The following CDH13 variants were observed in gnomAD, a reference collection of about 807,000 sequenced individuals.
CDH13 encodes cadherin 13, also known as cadherin-13.
A neutral mutation model predicts 63.8 loss-of-function variants in CDH13; 24 were observed. That is an observed-to-expected ratio of 0.38 (90% CI 0.27 to 0.53). The LOEUF is 0.53. Ranked by LOEUF, CDH13 falls within the 20% of genes least tolerant of loss-of-function variation. CDH13 has a pLI of 0.85. For synonymous variants in CDH13, 503 were observed against 355.3 expected (o/e 1.42, Z -4.67); for missense variants, 1,049 against 903.1 (o/e 1.16, Z -2.07).
intron 1 of CDH13, among the ~76,000 whole-genome samples, chr16:82,729,706 GC>G (rs1235024225): frequency 3.9e-5 from 6 of 152,162 alleles, no homozygotes; most frequent in Non-Finnish European, 5.9e-5. Context: ...AAGAGAGTCA[GC>G]CTGTCCTTTG....
At chr16:83,088,568 A>C (rs1454939624) in intron 3 of CDH13, among the ~76,000 whole-genome samples, 1 of 152,110 alleles carries the variant, frequency 6.6e-6, no homozygotes, top group Non-Finnish European at 1.5e-5. Flanking sequence ...TCCTTCTCTG[A>C]GCCTGGGCCC....
At chr16:83,233,643 G>C (rs2040066048) in intron 5 of CDH13, among the ~76,000 whole-genome samples, 1 of 152,106 alleles carries the variant, frequency 6.6e-6, no homozygotes, top group African/African-American at 2.4e-5. Flanking sequence ...CATCCTCAAA[G>C]CCAGCAATGG....
chr16:83,344,007 T>C (rs1319825751), intron 5 of CDH13, among the ~76,000 whole-genome samples: 1 of 152,200 alleles, frequency 6.6e-6, no homozygotes, highest in Admixed American at 6.5e-5. Flanking sequence ...TTGCTCAAGG[T>C]CACACAGATA....
At chr16:83,128,037 C>T (rs1411735951) in intron 4 of CDH13, among the ~76,000 whole-genome samples, 1 of 152,186 alleles carries the variant, frequency 6.6e-6, no homozygotes, top group East Asian at 1.9e-4. Context: ...TCTTCCCAAA[C>T]AGTTTCTGAG....
At chr16:83,271,422 T>TAAAAAAAAAAAA (rs56382330) in intron 5 of CDH13, among the ~76,000 whole-genome samples, 457 of 26,016 alleles carry the variant, frequency 0.018, 142 homozygotes, top group Non-Finnish European at 0.024. Flanking sequence ...GCAGAGTTCA[T>TAAAAAAAAAAAA]AAAAAAAAAA....
chr16:82,805,299 T>C (rs951936959), intron 1 of CDH13, among the ~76,000 whole-genome samples: 8 of 152,214 alleles, frequency 5.3e-5, no homozygotes, highest in African/African-American at 1.9e-4. Flanking sequence ...ATGGTGACTC[T>C]GAAAAACAAA....
chr16:82,947,460 C>T (rs1274438662), intron 2 of CDH13, among the ~76,000 whole-genome samples: 1 of 152,124 alleles, frequency 6.6e-6, no homozygotes, highest in African/African-American at 2.4e-5. Context: ...ATCCATACTT[C>T]TGTGTTAACT....
At chr16:82,933,158 A>G (rs563099764) in intron 2 of CDH13, among the ~76,000 whole-genome samples, 7 of 152,156 alleles carry the variant, frequency 4.6e-5, no homozygotes, top group Non-Finnish European at 1.0e-4. Flanking sequence ...CCATGAAGAC[A>G]TACTTCAGAC....
chr16:83,094,236 C>A (rs911779171), intron 3 of CDH13, among the ~76,000 whole-genome samples: 6 of 152,164 alleles, frequency 3.9e-5, no homozygotes, highest in African/African-American at 1.4e-4. Context: ...GATATCTGAG[C>A]ACTTGTGACC....
chr16:83,299,612 A>G (rs1270730418), intron 5 of CDH13, among the ~76,000 whole-genome samples: 1 of 152,194 alleles, frequency 6.6e-6, no homozygotes, highest in Non-Finnish European at 1.5e-5. Flanking sequence ...AAAAGACCCT[A>G]GCTTTATTTA....
intron 7 of CDH13, among the ~76,000 whole-genome samples, chr16:83,533,944 G>A (rs993817596): frequency 1.3e-5 from 2 of 152,126 alleles, no homozygotes; most frequent in African/African-American, 2.4e-5. Context: ...TAAAAATCTA[G>A]TTGGACTTAT....
At chr16:83,010,130 T>G (rs1345626953) in intron 2 of CDH13, among the ~76,000 whole-genome samples, 1 of 28,038 alleles carries the variant, frequency 3.6e-5, no homozygotes, top group Non-Finnish European at 6.2e-5. Context: ...AGCAAAACTC[T>G]GTCTCAAAAA....
intron 6 of CDH13, among the ~76,000 whole-genome samples, chr16:83,410,886 G>A (rs553231080): frequency 6.6e-6 from 1 of 152,168 alleles, no homozygotes; most frequent in Non-Finnish European, 1.5e-5. Context: ...TAAGCTCCAG[G>A]TATTGAAACA....
At chr16:83,235,826 A>T (rs144564052) in intron 5 of CDH13, among the ~76,000 whole-genome samples, 1 of 152,116 alleles carries the variant, frequency 6.6e-6, no homozygotes, top group East Asian at 1.9e-4. Flanking sequence ...TAGAATGTGC[A>T]TTTCTCAAAG....
At chr16:83,504,444 G>C (rs2074351824) in intron 7 of CDH13, among the ~76,000 whole-genome samples, 1 of 152,222 alleles carries the variant, frequency 6.6e-6, no homozygotes, top group Non-Finnish European at 1.5e-5. Context: ...GCCACCAGAA[G>C]ACACTCAGCC....
chr16:83,184,089 AACAC>A (rs10656475), intron 4 of CDH13, among the ~76,000 whole-genome samples: 4,379 of 131,562 alleles, frequency 0.033, 220 homozygotes, highest in African/African-American at 0.11. Flanking sequence ...CTAGAGGTTA[AACAC>A]ACACACACAC....
intron 6 of CDH13, among the ~76,000 whole-genome samples, chr16:83,459,041 T>G (rs2073101284): frequency 1.3e-5 from 2 of 152,272 alleles, no homozygotes; most frequent in African/African-American, 4.8e-5. Context: ...ACACACTTGT[T>G]TTCCTCTATG....
chr16:83,257,529 G>T (rs1035693419), intron 5 of CDH13, among the ~76,000 whole-genome samples: 7 of 152,162 alleles, frequency 4.6e-5, no homozygotes, highest in Non-Finnish European at 8.8e-5. Flanking sequence ...CTCAGGGAAA[G>T]GTTCCTCCAT....
chr16:83,319,218 A>G (rs961705915), intron 5 of CDH13, among the ~76,000 whole-genome samples: 1 of 152,172 alleles, frequency 6.6e-6, no homozygotes, highest in Non-Finnish European at 1.5e-5. Flanking sequence ...ATGTTTACCT[A>G]CTAATGTAAT....
Sources: gnomAD v4.1 joint callset for allele counts (sites outside exome capture counted in the v4.1 genomes callset) on GRCh38, gnomAD v4.1.1 for gene constraint, MANE v1.5 for transcripts, NCBI Gene and HGNC (gene_info 2026-07-23, HGNC 2026-07-21) for gene names.